ATP6V0A1: variants seen among roughly 807,000 people sequenced by gnomAD.
ATP6V0A1 encodes the protein V-type proton ATPase 116 kDa subunit a 1.
In ATP6V0A1, 43 loss-of-function variants were observed where a neutral mutation model predicts 105.4. The ratio of observed to expected loss-of-function variants is 0.41; its 90% confidence interval spans 0.32 to 0.53. The LOEUF is 0.53. Ranked by LOEUF, ATP6V0A1 falls within the 20% of genes least tolerant of loss-of-function variation. ATP6V0A1 has a pLI of 0.30. For synonymous variants in ATP6V0A1, 362 were observed against 372.8 expected (o/e 0.97, Z 0.33); for missense variants, 676 against 1,051.1 (o/e 0.64, Z 4.93).
At chr17:42,502,948 A>T (rs542018932) in intron 17 of ATP6V0A1, 1 of 152,658 alleles carries the variant, frequency 6.6e-6, no homozygotes, top group African/African-American at 2.4e-5. Context: ...TTTTTAATTA[A>T]ATTGAGAGCA....
intron 18 of ATP6V0A1, among the ~76,000 whole-genome samples, chr17:42,508,225 A>G (rs1319919149): frequency 6.6e-6 from 1 of 152,184 alleles, no homozygotes; most frequent in African/African-American, 2.4e-5. Context: ...AAGCCTCTGA[A>G]CTGAACTATT....
chr17:42,501,355 A>G (rs2091652324), intron 17 of ATP6V0A1, 51 bp downstream of exon 17: 1 of 1,288,982 alleles, frequency 7.8e-7, no homozygotes, highest in Admixed American at 1.8e-5. Flanking sequence ...TTTGTTCAAG[A>G]TCAAGGCAAT....
chr17:42,499,599 C>G (rs1438322835), intron 15 of ATP6V0A1, among the ~76,000 whole-genome samples: 8 of 151,742 alleles, frequency 5.3e-5, no homozygotes, highest in Admixed American at 5.3e-4. Context: ...CCAGCCTGGC[C>G]CACATGGTGA....
chr17:42,473,691 C>T (rs1186219991), intron 5 of ATP6V0A1, among the ~76,000 whole-genome samples: 4 of 151,876 alleles, frequency 2.6e-5, no homozygotes, highest in Admixed American at 6.6e-5. Context: ...TTCAAGACCT[C>T]GTAAGTTTAA....
intron 9 of ATP6V0A1, among the ~76,000 whole-genome samples, chr17:42,486,368 G>A (rs1420675487): frequency 2.6e-5 from 4 of 151,770 alleles, no homozygotes; most frequent in Non-Finnish European, 4.4e-5. Flanking sequence ...CTGAGACCAC[G>A]CCACTGCACT....
chr17:42,483,643 G>A (rs1031257971), intron 9 of ATP6V0A1, among the ~76,000 whole-genome samples: 7 of 152,120 alleles, frequency 4.6e-5, no homozygotes, highest in African/African-American at 1.7e-4. Flanking sequence ...GTGCAGTGGT[G>A]TGATCTTGGC....
chr17:42,518,138 T>C (rs1221829255), intron 21 of ATP6V0A1: 2 of 152,272 alleles, frequency 1.3e-5, no homozygotes, highest in East Asian at 3.8e-4. Flanking sequence ...TGATTGTAGT[T>C]ATCACTGTAA....
At chr17:42,472,833 C>A (rs1467350561) in intron 5 of ATP6V0A1, among the ~76,000 whole-genome samples, 1 of 152,160 alleles carries the variant, frequency 6.6e-6, no homozygotes, top group Non-Finnish European at 1.5e-5. Flanking sequence ...CAAACAACAG[C>A]AGCAGACTCA....
chr17:42,472,703 G>A (rs1464639095), intron 5 of ATP6V0A1, among the ~76,000 whole-genome samples: 2 of 151,950 alleles, frequency 1.3e-5, no homozygotes, highest in African/African-American at 2.4e-5. Flanking sequence ...TAGCCTGGGC[G>A]AAAGAGCGAG....
At chr17:42,502,507 C>A (rs886452674) in intron 17 of ATP6V0A1, among the ~76,000 whole-genome samples, 31 of 152,128 alleles carry the variant, frequency 2.0e-4, no homozygotes, top group African/African-American at 7.5e-4. Flanking sequence ...CACACACACA[C>A]ACACACACAG....
chr17:42,491,129 T>C (rs1220451572), intron 11 of ATP6V0A1, among the ~76,000 whole-genome samples: 1 of 152,054 alleles, frequency 6.6e-6, no homozygotes, highest in Non-Finnish European at 1.5e-5. Flanking sequence ...AAGCTAGTCT[T>C]GGACTCCTGG....
Position 42,470,127 on chromosome 17 carries a change from T to A in ATP6V0A1, c.332T>A (p.Ile111Asn). 6.2e-7 allele frequency: 1 copy of A among 1,610,308 alleles called. No homozygotes were observed. The highest frequency in any genetic ancestry group is 8.5e-7 in the Non-Finnish European group (1 of 1,177,794). Residue 111 changes from isoleucine (I) to asparagine (N), a missense_variant, in exon 5 of 22, where the codon ATC (isoleucine) becomes AAC (asparagine). Physicochemically the swap from Ile to Asn is moderately radical, Grantham distance 149. Transcript: ENST00000343619. ...FEKIENELKE[I>N]NTNQEALKRN... Reference sequence around the variant, plus strand: ...AAGATTGAAAATGAACTGAAGGAAATCAACACAAACCAGGAAGCTCTGAAG... The same window carrying A: ...AAGATTGAAAATGAACTGAAGGAAAACAACACAAACCAGGAAGCTCTGAAG...
chr17:42,464,487 C>T (rs2086800201), intron 2 of ATP6V0A1, among the ~76,000 whole-genome samples: 1 of 151,934 alleles, frequency 6.6e-6, no homozygotes, highest in South Asian at 2.1e-4. Context: ...ATTGCAACCT[C>T]CGCCTCCCGG....
At chr17:42,516,540 C>T (rs1340307830) in intron 21 of ATP6V0A1, among the ~76,000 whole-genome samples, 1 of 152,194 alleles carries the variant, frequency 6.6e-6, no homozygotes, top group Non-Finnish European at 1.5e-5. Context: ...CTTTTTCTTG[C>T]CCCTTGGCCT....
rs538926556 is a variant in ATP6V0A1, at chr17:42,464,354, CG to C, written c.118-2074del. 2.6e-3 allele frequency among the ~76,000 whole-genome samples: 389 copies of C among 151,780 alleles called. 1 individual carries two copies. Among genetic ancestry groups the C allele is most frequent in the South Asian group, 9.1e-3 (44 of 4,814 alleles). On this transcript the variant is annotated intron_variant, in intron 2 of 21. Coordinates refer to ENST00000343619, the MANE Select transcript of ATP6V0A1 (RefSeq NM_001130021.3). ...CTCTAATATTAATATATTGAGTTCT[CG>C]AAGAGAGAAGTGTTGAATACATGGA...
intron 5 of ATP6V0A1, among the ~76,000 whole-genome samples, chr17:42,475,409 CA>C (rs2088597228): frequency 1.3e-5 from 2 of 152,188 alleles, no homozygotes. Context: ...TTAGAGAACC[CA>C]GATACCCTTA....
At chr17:42,495,287 TGA>T in intron 13 of ATP6V0A1, 99 bp downstream of exon 13, 8 of 1,270,580 alleles carry the variant, frequency 6.3e-6, no homozygotes, top group Non-Finnish European at 8.9e-6. Context: ...TAGGAAGTGG[TGA>T]CAGTGTCTCC....
At position 42,490,558 on chromosome 17, in the gene ATP6V0A1, C is replaced by CA. The variant is rs1390049698; in HGVS notation, c.1099dup (p.Thr367AsnfsTer70). The CA allele has an allele frequency of 6.2e-7, 1 of 1,613,810 alleles. No homozygotes were observed. Among genetic ancestry groups the CA allele is most frequent in the Non-Finnish European group, 8.5e-7 (1 of 1,179,890 alleles). ...CAAACCAGACTCCCCCAACCTATAA[C>CA]AAAACCAACAAGTTTACCTATGGCT... On this transcript the variant is annotated frameshift_variant, in exon 11 of 22. Coordinates refer to ENST00000343619, the MANE Select transcript of ATP6V0A1 (RefSeq NM_001130021.3). LOFTEE classifies it high-confidence loss of function.
At chr17:42,471,421 CAAAA>C (rs543931458) in intron 5 of ATP6V0A1, 3 of 88,286 alleles carry the variant, frequency 3.4e-5, no homozygotes, top group Non-Finnish European at 4.4e-5. Flanking sequence ...GACTCTGTCT[CAAAA>C]AAAAAAAAAA....
Sources: gnomAD v4.1 joint callset for allele counts (sites outside exome capture counted in the v4.1 genomes callset) on GRCh38, gnomAD v4.1.1 for gene constraint, MANE v1.5 for transcripts, NCBI Gene and HGNC (gene_info 2026-07-23, HGNC 2026-07-21) for gene names.